ZNRF2: variants seen among roughly 807,000 people sequenced by gnomAD.
The protein encoded by ZNRF2 is zinc and ring finger 2, also known as E3 ubiquitin-protein ligase ZNRF2.
ZNRF2 carries 16 observed loss-of-function variants against 20.4 expected under a neutral mutation model. That is an observed-to-expected ratio of 0.79 (90% CI 0.53 to 1.19). ZNRF2 has a LOEUF of 1.19. Ranked by LOEUF, ZNRF2 falls within the 50% of genes most tolerant of loss-of-function variation. The probability of loss-of-function intolerance (pLI) is 0.00; values close to 1 mark genes in which losing one functional copy is unlikely to be tolerated. For synonymous variants in ZNRF2, 178 were observed against 144.9 expected (o/e 1.23, Z -1.64); for missense variants, 363 against 332.4 (o/e 1.09, Z -0.72).
At chr7:30,335,638 G>A (rs1289916334) in intron 2 of ZNRF2, among the ~76,000 whole-genome samples, 1 of 152,078 alleles carries the variant, frequency 6.6e-6, no homozygotes, top group Non-Finnish European at 1.5e-5. Context: ...GAAGATTTGA[G>A]AGAAAGGGAG....
chr7:30,332,905 A>G (rs866731116), intron 2 of ZNRF2, among the ~76,000 whole-genome samples: 1 of 152,072 alleles, frequency 6.6e-6, no homozygotes, highest in Admixed American at 6.5e-5. Flanking sequence ...AGTAGGATTG[A>G]TTGCTGGGTT....
chr7:30,302,833 G>A (rs1799140288), intron 1 of ZNRF2, among the ~76,000 whole-genome samples: 1 of 152,070 alleles, frequency 6.6e-6, no homozygotes. Flanking sequence ...CTGACTCCAG[G>A]TGTGTGCCGT....
At chr7:30,330,754 T>C (rs1457507029) in intron 2 of ZNRF2, among the ~76,000 whole-genome samples, 1 of 151,884 alleles carries the variant, frequency 6.6e-6, no homozygotes, top group Non-Finnish European at 1.5e-5. Context: ...ATTGGCATTT[T>C]TTTTTAACTG....
Position 30,285,425 on chromosome 7 carries a change from T to C in ZNRF2, c.68T>C (p.Leu23Pro). 1 of 1,220,936 alleles carries C rather than the reference T, an allele frequency of 8.2e-7. No homozygotes were observed. 75.6% of individuals were successfully genotyped at this position (1,220,936 alleles called of 1,614,324 possible). Residue 23 changes from leucine (L) to proline (P), a missense_variant, in exon 1 of 5, where the codon CTA becomes CCA. Transcript: ENST00000323037. Reference sequence around the variant, plus strand: ...ACGCGCGCGTACTCGGGCTCGGATCTACCTTCCAGTAGCAGCGGAGGCGCC... The same window carrying C: ...ACGCGCGCGTACTCGGGCTCGGATCCACCTTCCAGTAGCAGCGGAGGCGCC... ...GRTRAYSGSDLPSSSSGGANG... is the reference protein window; with the variant it reads ...GRTRAYSGSDPPSSSSGGANG...
intron 1 of ZNRF2, among the ~76,000 whole-genome samples, chr7:30,294,786 GAAAA>G (rs530331464): frequency 4.1e-4 from 62 of 150,466 alleles, no homozygotes; most frequent in African/African-American, 1.5e-3. Context: ...CTCCATCTCA[GAAAA>G]AAAAAGTATT....
rs181735276 is a variant in ZNRF2, at chr7:30,367,468, A to G, written c.*1456A>G. On this transcript the variant is annotated 3_prime_UTR_variant, in exon 5 of 5. Coordinates refer to ENST00000323037, the MANE Select transcript of ZNRF2 (RefSeq NM_147128.4). ...TACTTGGTATAATTTAAAGTTGCAC[A>G]GTAAGTACTGTTTCCTTATTTTAAT... 47 of 152,512 alleles carry G rather than the reference A, an allele frequency of 3.1e-4. 1 individual carries two copies. In the East Asian group the frequency reaches 9.1e-3, roughly 29 times the overall value. 9.4% of individuals were successfully genotyped at this position (152,512 alleles called of 1,614,324 possible).
chr7:30,325,634 C>G (rs1157897726), intron 2 of ZNRF2, among the ~76,000 whole-genome samples: 1 of 152,188 alleles, frequency 6.6e-6, no homozygotes, highest in African/African-American at 2.4e-5. Context: ...ATCAGTCTCT[C>G]AATTCTTCCC....
chr7:30,361,589 T>C (rs1800127662), intron 3 of ZNRF2, among the ~76,000 whole-genome samples: 1 of 152,224 alleles, frequency 6.6e-6, no homozygotes, highest in Admixed American at 6.5e-5. Context: ...TCACCTATCA[T>C]GGTACTGTGA....
intron 1 of ZNRF2, among the ~76,000 whole-genome samples, chr7:30,287,453 C>A (rs934552418): frequency 2.8e-5 from 4 of 145,244 alleles, no homozygotes; most frequent in African/African-American, 1.0e-4. Context: ...ATGCTGATTT[C>A]TAAAAATTCA....
At chr7:30,343,591 C>T (rs748743860) in intron 2 of ZNRF2, among the ~76,000 whole-genome samples, 2 of 151,916 alleles carry the variant, frequency 1.3e-5, no homozygotes, top group Non-Finnish European at 2.9e-5. Flanking sequence ...TATAAAAGCT[C>T]CTCTGTCTCC....
intron 1 of ZNRF2, chr7:30,289,973 A>G (rs535169030): frequency 8.1e-6 from 4 of 492,826 alleles, no homozygotes; most frequent in East Asian, 5.6e-5. Flanking sequence ...TGAGATATCA[A>G]CTTTTAAACT....
chr7:30,330,315 C>T (rs879840925), intron 2 of ZNRF2, among the ~76,000 whole-genome samples: 1 of 152,112 alleles, frequency 6.6e-6, no homozygotes, highest in African/African-American at 2.4e-5. Context: ...AGAAGAACAA[C>T]TCTATGGACA....
intron 2 of ZNRF2, among the ~76,000 whole-genome samples, chr7:30,331,670 T>A (rs1799637034): frequency 2.0e-5 from 3 of 152,184 alleles, no homozygotes; most frequent in Admixed American, 2.0e-4. Context: ...CTTATAGAAT[T>A]GCTGAAAGCT....
At chr7:30,310,885 T>TGTCC (rs1562608786) in intron 1 of ZNRF2, among the ~76,000 whole-genome samples, 10 of 142,514 alleles carry the variant, frequency 7.0e-5, no homozygotes, top group African/African-American at 2.6e-4. Flanking sequence ...CTGTCCTGTC[T>TGTCC]TGTCCTGTCC....
At chr7:30,325,271 G>A (rs1468805702) in intron 2 of ZNRF2, among the ~76,000 whole-genome samples, 4 of 151,976 alleles carry the variant, frequency 2.6e-5, no homozygotes, top group Admixed American at 6.6e-5. Context: ...ATAAATTTTG[G>A]CCTGAAATAA....
At chr7:30,293,011 G>C (rs577577406) in intron 1 of ZNRF2, among the ~76,000 whole-genome samples, 1 of 152,304 alleles carries the variant, frequency 6.6e-6, no homozygotes, top group South Asian at 2.1e-4. Context: ...CAAAAATCCA[G>C]ATGAAAGATA....
At chr7:30,314,423 A>G (rs900651437) in intron 1 of ZNRF2, among the ~76,000 whole-genome samples, 3 of 152,162 alleles carry the variant, frequency 2.0e-5, no homozygotes, top group Non-Finnish European at 4.4e-5. Context: ...ATTTTAATCT[A>G]TCAGATTTGT....
intron 1 of ZNRF2, among the ~76,000 whole-genome samples, chr7:30,295,052 T>A (rs9918724): frequency 0.14 from 4,971 of 35,400 alleles, 44 homozygotes; most frequent in Admixed American, 0.15. Context: ...AGAGAGAGAG[T>A]GTGTGTGTGT....
At chr7:30,300,896 T>G (rs778881039) in intron 1 of ZNRF2, among the ~76,000 whole-genome samples, 3 of 152,244 alleles carry the variant, frequency 2.0e-5, no homozygotes, top group Admixed American at 6.5e-5. Context: ...TTTTCATATT[T>G]AAGCCCAGGA....
Sources: allele counts gnomAD v4.1 joint callset (sites outside exome capture counted in the v4.1 genomes callset), GRCh38; gene constraint gnomAD v4.1.1; transcripts MANE v1.5; gene names NCBI Gene and HGNC (gene_info 2026-07-23, HGNC 2026-07-21).